The following IRAG1 variants were observed in gnomAD, a reference collection of about 807,000 sequenced individuals.
IRAG1 encodes the protein inositol 1,4,5-triphosphate receptor associated 1.
A neutral mutation model predicts 106.2 loss-of-function variants in IRAG1; 62 were observed. The observed-to-expected ratio is 0.58, with a 90% CI of 0.48 to 0.72. The LOEUF (loss-of-function observed/expected upper bound fraction) is 0.72, where lower values mean the gene tolerates loss of function less well. Among genes scored for constraint, IRAG1 ranks in the 30% least tolerant of loss-of-function variants. IRAG1 has a pLI of 0.00. For synonymous variants in IRAG1, 462 were observed against 443.9 expected, an observed-to-expected ratio of 1.04 and a Z score of -0.51; for missense variants, 1,064 against 1,140.7, an observed-to-expected ratio of 0.93 and a Z score of 0.97.
rs571418842 is a variant in IRAG1, at chr11:10,637,788, T to C, written c.226-3717A>G. On this transcript the variant is annotated intron_variant, in intron 2 of 20. Transcript: ENST00000423302. ...ACAATGATCTGGGGCCCCGAGGACA[T>C]GCAGTGGAACAGTATTCACAAGGGC... Among the ~76,000 whole-genome samples the C allele has an allele frequency of 5.3e-5, 8 of 151,982 alleles. No individual in the cohort carries two copies. The East Asian group carries it at 1.6e-3, about 30-fold the overall frequency.
intron 16 of IRAG1, 121 bp downstream of exon 16, chr11:10,594,025 G>A: frequency 1.0e-6 from 1 of 963,448 alleles, no homozygotes; most frequent in Non-Finnish European, 1.6e-6. Context: ...AAGCCGAATA[G>A]AAACTCTGTT....
intron 3 of IRAG1, 142 bp from the exon 4 acceptor site, chr11:10,632,203 T>TGA: frequency 1.5e-6 from 1 of 649,424 alleles, no homozygotes; most frequent in East Asian, 2.9e-5. Flanking sequence ...TTTTTTTTTT[T>TGA]TTGACTCAGT....
chr11:10,656,595 G>A (rs1235034888), intron 1 of IRAG1, among the ~76,000 whole-genome samples: 1 of 152,218 alleles, frequency 6.6e-6, no homozygotes, highest in Non-Finnish European at 1.5e-5. Flanking sequence ...CTACTTCTAA[G>A]TCGCCTACTG....
chr11:10,681,244 G>A (rs1861232044), intron 1 of IRAG1, among the ~76,000 whole-genome samples: 2 of 152,218 alleles, frequency 1.3e-5, no homozygotes, highest in Non-Finnish European at 2.9e-5. Context: ...CCTGTAGTGT[G>A]AGGGCAGAGT....
chr11:10,654,787 G>A (rs1858791937), intron 1 of IRAG1, among the ~76,000 whole-genome samples: 1 of 152,196 alleles, frequency 6.6e-6, no homozygotes, highest in Admixed American at 6.5e-5. Context: ...AATGCTGAGT[G>A]GAATTTCTTG....
intron 1 of IRAG1, among the ~76,000 whole-genome samples, chr11:10,653,420 G>A (rs565583375): frequency 1.3e-5 from 2 of 152,244 alleles, no homozygotes; most frequent in Admixed American, 1.3e-4. Context: ...CTACTCTTTC[G>A]TGCTTCTTGT....
At chr11:10,654,559 C>T (rs937445806) in intron 1 of IRAG1, among the ~76,000 whole-genome samples, 5 of 152,148 alleles carry the variant, frequency 3.3e-5, no homozygotes, top group Non-Finnish European at 4.4e-5. Flanking sequence ...CTCTACCAGG[C>T]CTGTGCAAGG....
chr11:10,583,757 G>A (rs1468177716), intron 18 of IRAG1, among the ~76,000 whole-genome samples: 1 of 152,114 alleles, frequency 6.6e-6, no homozygotes, highest in African/African-American at 2.4e-5. Flanking sequence ...GACAGACCTT[G>A]GAAAACTAGA....
At position 10,626,162 on chromosome 11, in the gene IRAG1, C is replaced by T. The variant is rs758320711; in HGVS notation, c.1172G>A (p.Arg391Gln). The change falls in exon 9 of 21, where the codon CGA (arginine) becomes CAA (glutamine). Residue 391 changes from arginine (R) to glutamine (Q), a missense_variant. Coordinates refer to ENST00000423302, the MANE Select transcript of IRAG1 (RefSeq NM_130385.4). ...PPTVSRPPLL[R>Q]GLSWDSGPEE... is the part of the protein sequence containing the mutation. ...AGGGCCACTGTCCCAGGAGAGCCCT[C>T]GCAGCAGCGGGGGCCGGGACACAGT... 8.4e-6 allele frequency: 13 copies of T among 1,539,410 alleles called. No homozygotes were observed. The highest frequency in any genetic ancestry group is 2.8e-5 in the African/African-American group (2 of 72,412).
chr11:10,612,841 G>A (rs1299114635), intron 10 of IRAG1, among the ~76,000 whole-genome samples: 2 of 151,978 alleles, frequency 1.3e-5, no homozygotes, highest in Admixed American at 6.6e-5. Context: ...GGGATGAGAA[G>A]ATCATGCAAA....
chr11:10,688,727 C>T (rs970581988), intron 1 of IRAG1, among the ~76,000 whole-genome samples: 1 of 152,198 alleles, frequency 6.6e-6, no homozygotes, highest in Admixed American at 6.5e-5. Context: ...TCCACCAAGC[C>T]GTGGTGGAAT....
At chr11:10,651,757 G>A (rs113216170) in intron 2 of IRAG1, among the ~76,000 whole-genome samples, 49 of 152,352 alleles carry the variant, frequency 3.2e-4, no homozygotes, top group African/African-American at 1.1e-3. Flanking sequence ...GAGCCTGCAT[G>A]GTTTGTGGTT....
At chr11:10,623,686 C>T in intron 10 of IRAG1, 92 bp downstream of exon 10, 1 of 1,173,056 alleles carries the variant, frequency 8.5e-7, no homozygotes, top group Non-Finnish European at 1.3e-6. Context: ...GAGGAAGACA[C>T]AGGAAGTCTT....
chr11:10,614,584 C>A (rs904486460), intron 10 of IRAG1, among the ~76,000 whole-genome samples: 1 of 152,084 alleles, frequency 6.6e-6, no homozygotes, highest in Admixed American at 6.6e-5. Flanking sequence ...GTACTGGTAC[C>A]AAAACAGAGA....
chr11:10,640,144 T>A (rs916131429), intron 2 of IRAG1, among the ~76,000 whole-genome samples: 9 of 152,300 alleles, frequency 5.9e-5, no homozygotes, highest in Non-Finnish European at 1.3e-4. Flanking sequence ...GGGAGTGAGC[T>A]GCCTTCTGAT....
At chr11:10,662,706 T>C (rs1399325494) in intron 1 of IRAG1, among the ~76,000 whole-genome samples, 1 of 152,212 alleles carries the variant, frequency 6.6e-6, no homozygotes, top group African/African-American at 2.4e-5. Flanking sequence ...AACCACCTCC[T>C]TCCTGACAGA....
intron 3 of IRAG1, among the ~76,000 whole-genome samples, chr11:10,632,847 T>C (rs1564918994): frequency 6.6e-6 from 1 of 152,220 alleles, no homozygotes; most frequent in Non-Finnish European, 1.5e-5. Context: ...GACAAAAATA[T>C]GGTTTCATTG....
chr11:10,667,938 C>G (rs1030601574), intron 1 of IRAG1, among the ~76,000 whole-genome samples: 2 of 152,236 alleles, frequency 1.3e-5, no homozygotes, highest in East Asian at 3.8e-4. Flanking sequence ...TTCCTGGGCA[C>G]TCATGCAAAA....
chr11:10,601,106 C>G, intron 14 of IRAG1, 47 bp from the exon 15 acceptor site: 1 of 1,608,358 alleles, frequency 6.2e-7, no homozygotes, highest in Non-Finnish European at 8.5e-7. Context: ...GGAGGAAAGG[C>G]TCCGTTGGCA....
Sources: gnomAD v4.1 joint callset for allele counts (sites outside exome capture counted in the v4.1 genomes callset) on GRCh38, gnomAD v4.1.1 for gene constraint, MANE v1.5 for transcripts, NCBI Gene and HGNC (gene_info 2026-07-23, HGNC 2026-07-21) for gene names.